The following CEP85L variants were observed in gnomAD, a reference collection of about 807,000 sequenced individuals.
The protein encoded by CEP85L is centrosomal protein 85L.
In CEP85L, 60 loss-of-function variants were observed where a neutral mutation model predicts 100.3. That is an observed-to-expected ratio of 0.60 (90% CI 0.49 to 0.74). The LOEUF (loss-of-function observed/expected upper bound fraction) is 0.74. CEP85L is among the 30% of genes least tolerant of loss of function. The pLI is 0.00. For synonymous variants in CEP85L, 319 were observed against 322.7 expected (o/e 0.99, Z 0.12); for missense variants, 973 against 936.2 (o/e 1.04, Z -0.51).
chr6:118,643,635 ATT>A (rs1450980201), intron 1 of CEP85L, among the ~76,000 whole-genome samples: 3 of 152,220 alleles, frequency 2.0e-5, no homozygotes, highest in African/African-American at 7.2e-5. Context: ...AACGACTTTA[ATT>A]AATTTAGCAC....
intron 5 of CEP85L, among the ~76,000 whole-genome samples, chr6:118,497,364 A>G (rs1298759284): frequency 6.6e-6 from 1 of 152,198 alleles, no homozygotes; most frequent in East Asian, 1.9e-4. Flanking sequence ...GACTGGACAT[A>G]ATCAACAAAC....
intron 2 of CEP85L, among the ~76,000 whole-genome samples, chr6:118,627,602 C>T (rs560380887): frequency 3.3e-5 from 5 of 152,172 alleles, no homozygotes; most frequent in Non-Finnish European, 7.3e-5. Context: ...ATGAAGAAGT[C>T]TGAGAGTTAA....
At chr6:118,674,533 A>T (rs1036830428) in intron 1 of CEP85L, among the ~76,000 whole-genome samples, 1 of 152,128 alleles carries the variant, frequency 6.6e-6, no homozygotes, top group Non-Finnish European at 1.5e-5. Context: ...CAAAAAAAAA[A>T]AAAAGAGAGA....
chr6:118,707,972 G>T (rs918286914), intron 1 of CEP85L, among the ~76,000 whole-genome samples: 33 of 149,664 alleles, frequency 2.2e-4, no homozygotes, highest in Non-Finnish European at 3.1e-4. Context: ...TGCTTTTTTG[G>T]GGGGGGGACG....
chr6:118,632,301 AATTTT>A (rs1395337474), intron 2 of CEP85L, 147 bp downstream of exon 2: 1 of 643,870 alleles, frequency 1.6e-6, no homozygotes, highest in Non-Finnish European at 2.4e-6. Context: ...TTAGAGGGAC[AATTTT>A]ATTTGATATA....
At chr6:118,508,259 A>G (rs1372037420) in intron 5 of CEP85L, among the ~76,000 whole-genome samples, 3 of 152,166 alleles carry the variant, frequency 2.0e-5, no homozygotes, top group Non-Finnish European at 4.4e-5. Flanking sequence ...AAAATGATAT[A>G]AATGGAAAGA....
chr6:118,541,337 T>C (rs1777894205), intron 3 of CEP85L, among the ~76,000 whole-genome samples: 1 of 152,230 alleles, frequency 6.6e-6, no homozygotes, highest in Non-Finnish European at 1.5e-5. Context: ...GGATGAAGTA[T>C]GGCTTTCCTG....
intron 2 of CEP85L, among the ~76,000 whole-genome samples, chr6:118,583,453 T>A (rs1009671665): frequency 3.3e-5 from 5 of 152,190 alleles, no homozygotes; most frequent in Non-Finnish European, 5.9e-5. Context: ...CATGCCTTTT[T>A]AATCACGCCT....
intron 3 of CEP85L, among the ~76,000 whole-genome samples, chr6:118,546,747 C>T (rs1262030687): frequency 6.6e-6 from 1 of 152,030 alleles, no homozygotes; most frequent in Non-Finnish European, 1.5e-5. Flanking sequence ...TTTGTATTAT[C>T]AATCATCATT....
At chr6:118,627,449 AG>A (rs1396352490) in intron 2 of CEP85L, among the ~76,000 whole-genome samples, 1 of 152,220 alleles carries the variant, frequency 6.6e-6, no homozygotes, top group East Asian at 1.9e-4. Context: ...AAGAGAACTG[AG>A]GTCACAGTGC....
intron 3 of CEP85L, among the ~76,000 whole-genome samples, chr6:118,546,364 A>G (rs1778202226): frequency 6.6e-6 from 1 of 152,152 alleles, no homozygotes. Context: ...ACTAGGGCAT[A>G]TTTTATTCTG....
intron 3 of CEP85L, among the ~76,000 whole-genome samples, chr6:118,539,740 T>G (rs983802503): frequency 6.6e-6 from 1 of 152,124 alleles, no homozygotes; most frequent in Non-Finnish European, 1.5e-5. Flanking sequence ...TTTATCATGA[T>G]GCTCTCCCTC....
intron 1 of CEP85L, among the ~76,000 whole-genome samples, chr6:118,665,801 A>T (rs1269400874): frequency 6.6e-6 from 1 of 152,148 alleles, no homozygotes; most frequent in African/African-American, 2.4e-5. Context: ...CATCTCACAC[A>T]CTGGTGAGAA....
At position 118,566,169 on chromosome 6, in the gene CEP85L, G is replaced by T; in HGVS notation, c.380C>A (p.Thr127Lys). 6.2e-7 allele frequency: 1 copy of T among 1,614,144 alleles called. No individual in the cohort carries two copies. The highest frequency in any genetic ancestry group is 8.5e-7 in the Non-Finnish European group (1 of 1,180,020). The change falls in exon 3 of 13, where the codon ACA becomes AAA. Residue 127 changes from threonine (T) to lysine (K), a missense_variant. Physicochemically the swap from Thr to Lys is moderately conservative, Grantham distance 78. Transcript: ENST00000368491. ...GTTTCCCAATGTTTGCATGAGGCTT[G>T]TACTCCATTTTGAGCCATCTGGTGT... is the stretch of plus-strand genomic sequence containing the variant. ...SLTPDGSKWS[T>K]SLMQTLGNHS...
chr6:118,651,132 AGGTCCCGAGGCGCCGC>A (rs1001380035), intron 1 of CEP85L, 49 bp downstream of exon 1: 65 of 1,441,508 alleles, frequency 4.5e-5, no homozygotes, highest in Non-Finnish European at 4.6e-5. Flanking sequence ...AGCGGCGGCG[AGGTCCCGAGGCGCCGC>A]GGTCGGCCGT....
chr6:118,516,273 T>C (rs1331315107), intron 4 of CEP85L, among the ~76,000 whole-genome samples: 1 of 152,228 alleles, frequency 6.6e-6, no homozygotes. Flanking sequence ...TACCCAGTAA[T>C]GGGATTGCTG....
At chr6:118,568,748 A>C (rs1014548836) in intron 2 of CEP85L, among the ~76,000 whole-genome samples, 6 of 152,216 alleles carry the variant, frequency 3.9e-5, no homozygotes, top group African/African-American at 1.4e-4. Flanking sequence ...CTATTCTGGT[A>C]ATCAGGAGAA....
chr6:118,639,564 C>G (rs1358572743), intron 1 of CEP85L, among the ~76,000 whole-genome samples: 1 of 152,188 alleles, frequency 6.6e-6, no homozygotes, highest in Admixed American at 6.5e-5. Flanking sequence ...TCTGTCTTCC[C>G]TGATTCCTCC....
At chr6:118,572,272 TAA>T (rs572307069) in intron 2 of CEP85L, among the ~76,000 whole-genome samples, 18,242 of 107,546 alleles carry the variant, frequency 0.17, 1,489 homozygotes, top group Non-Finnish European at 0.2. Flanking sequence ...ACCCATTCTT[TAA>T]AAAAAAAAAA....
Sources: allele counts gnomAD v4.1 joint callset (sites outside exome capture counted in the v4.1 genomes callset), GRCh38; gene constraint gnomAD v4.1.1; transcripts MANE v1.5; gene names NCBI Gene and HGNC (gene_info 2026-07-23, HGNC 2026-07-21).